The following TSPAN11 variants were observed in gnomAD, a reference collection of about 807,000 sequenced individuals.
TSPAN11 encodes tetraspanin 11.
Under a neutral mutation model 32.9 loss-of-function variants are expected in TSPAN11, and 29 were observed. That is an observed-to-expected ratio of 0.88 (90% CI 0.66 to 1.20). The LOEUF is 1.20. Ranked by LOEUF, TSPAN11 falls within the 50% of genes most tolerant of loss-of-function variation. The pLI is 0.00. For missense variants in TSPAN11, 283 were observed against 329.1 expected (o/e 0.86, Z 1.08); for synonymous variants, 140 against 141.3 (o/e 0.99, Z 0.07).
At chr12:30,946,000 T>C (rs1465904293) in intron 1 of TSPAN11, among the ~76,000 whole-genome samples, 2 of 152,198 alleles carry the variant, frequency 1.3e-5, no homozygotes, top group African/African-American at 4.8e-5. Flanking sequence ...TGAGTTTGCA[T>C]GAGAGGACAG....
chr12:30,983,259 C>T lies in TSPAN11; in HGVS notation c.702+109C>T, dbSNP rs551128397. On this transcript the variant is annotated intron_variant, in intron 7 of 7. Transcript: ENST00000546076. ...GCTGAAATAACTGACCCTTTGCACA[C>T]CCGCACCCTACCCTGCTCTCTTCTT... The T allele has an allele frequency of 7.6e-6, 8 of 1,048,170 alleles. No homozygotes were observed. In the South Asian group the frequency reaches 1.2e-4, roughly 16 times the overall value. 64.9% of individuals were successfully genotyped at this position (1,048,170 alleles called of 1,614,324 possible).
chr12:30,967,146 C>T (rs191062437), intron 3 of TSPAN11, among the ~76,000 whole-genome samples: 7 of 152,360 alleles, frequency 4.6e-5, no homozygotes, highest in Admixed American at 3.9e-4. Flanking sequence ...CTCTCCAAGC[C>T]ACTGATCACA....
chr12:31,009,952 G>C, the TSPAN11 span, among the ~76,000 whole-genome samples: 1 of 152,214 alleles, frequency 6.6e-6, no homozygotes, highest in Non-Finnish European at 1.5e-5. Context: ...AGCTGTATGA[G>C]ATAGGTAAGA....
intron 1 of TSPAN11, among the ~76,000 whole-genome samples, chr12:30,939,516 T>C (rs978602731): frequency 7.9e-5 from 12 of 152,254 alleles, no homozygotes; most frequent in Admixed American, 5.2e-4. Context: ...TGTAATGATC[T>C]ACCTTCAAAT....
At chr12:30,988,804 GTGACACAGCCGC>G (rs1228072970) in intron 7 of TSPAN11, among the ~76,000 whole-genome samples, 1 of 152,194 alleles carries the variant, frequency 6.6e-6, no homozygotes, top group Admixed American at 6.5e-5. Flanking sequence ...CCTGCTGAAG[GTGACACAGCCGC>G]TGTGGCAGAG....
intron 1 of TSPAN11, among the ~76,000 whole-genome samples, chr12:30,928,912 T>C (rs144579832): frequency 7.9e-4 from 121 of 152,360 alleles, no homozygotes; most frequent in African/African-American, 2.6e-3. Flanking sequence ...CGGGACTGCC[T>C]TTGTGCCGTT....
chr12:30,949,633 G>T (rs1938341714), intron 1 of TSPAN11, among the ~76,000 whole-genome samples: 1 of 152,170 alleles, frequency 6.6e-6, no homozygotes, highest in East Asian at 1.9e-4. Flanking sequence ...AATTCTGGGA[G>T]ATACAATTCA....
In TSPAN11 at chr12:30,995,433, G is replaced by A. The variant is rs1267225951; in HGVS notation, c.*3518G>A. On this transcript the variant is annotated 3_prime_UTR_variant, in exon 8 of 8. Transcript: ENST00000546076. ...GACCCTGTGTGATTTCTGTCAGGGA[G>A]CTTGTGCTGTGCATGGCCAGAGGTG... is the stretch of plus-strand genomic sequence containing the variant. 6 of 152,492 alleles carry A rather than the reference G, an allele frequency of 3.9e-5. No homozygotes were observed. The highest frequency in any genetic ancestry group is 2.0e-4 in the Admixed American group (3 of 15,292). The allele number at this position is 152,492 out of a possible 1,614,324, so 9.4% of individuals were successfully genotyped here. A position where few individuals can be genotyped will look rare whatever the true frequency, so the allele number is the denominator to read the frequency against.
At chr12:30,953,599 C>T (rs570921149) in intron 1 of TSPAN11, among the ~76,000 whole-genome samples, 1 of 152,172 alleles carries the variant, frequency 6.6e-6, no homozygotes, top group African/African-American at 2.4e-5. Context: ...TGCAAGTTTC[C>T]TATGCAAAGT....
chr12:31,004,580 T>A, the TSPAN11 span, among the ~76,000 whole-genome samples: 5,611 of 152,010 alleles, frequency 0.037, 333 homozygotes, highest in African/African-American at 0.13. Context: ...GCTGTCTGAG[T>A]AGCAAAACTT....
At chr12:31,008,606 C>T in the TSPAN11 span, among the ~76,000 whole-genome samples, 18 of 152,342 alleles carry the variant, frequency 1.2e-4, no homozygotes, top group South Asian at 3.5e-3. Context: ...CCCATCCACC[C>T]AGGACCAGCA....
chr12:31,009,588 AC>A, the TSPAN11 span, among the ~76,000 whole-genome samples: 1 of 151,966 alleles, frequency 6.6e-6, no homozygotes, highest in African/African-American at 2.4e-5. Context: ...CAGAAGTGCC[AC>A]CCCACCTTGG....
chr12:31,009,681 G>A, the TSPAN11 span, among the ~76,000 whole-genome samples: 1 of 152,086 alleles, frequency 6.6e-6, no homozygotes, highest in Non-Finnish European at 1.5e-5. Flanking sequence ...TCCGTCCACC[G>A]CCACACAGAG....
chr12:30,983,272 C>G, intron 7 of TSPAN11, 122 bp downstream of exon 7: 1 of 901,344 alleles, frequency 1.1e-6, no homozygotes, highest in Middle Eastern at 2.2e-4. Flanking sequence ...GCACCCTACC[C>G]TGCTCTCTTC....
At chr12:30,980,936 C>T (rs1353751688) in intron 5 of TSPAN11, among the ~76,000 whole-genome samples, 3 of 152,168 alleles carry the variant, frequency 2.0e-5, no homozygotes, top group Non-Finnish European at 4.4e-5. Context: ...TCCCTGCCCT[C>T]GGGGAAGCTG....
chr12:30,984,291 T>C (rs958088217), intron 7 of TSPAN11, among the ~76,000 whole-genome samples: 2 of 152,214 alleles, frequency 1.3e-5, no homozygotes, highest in Admixed American at 1.3e-4. Context: ...CTAGGTAACC[T>C]TGAGCTACCT....
chr12:30,973,672 G>A (rs990791032), intron 3 of TSPAN11, among the ~76,000 whole-genome samples: 2 of 152,152 alleles, frequency 1.3e-5, no homozygotes, highest in African/African-American at 2.4e-5. Flanking sequence ...TGGAGCGGGG[G>A]CCCTCTCTGG....
At chr12:30,951,501 T>C (rs1039381675) in intron 1 of TSPAN11, among the ~76,000 whole-genome samples, 2 of 152,242 alleles carry the variant, frequency 1.3e-5, no homozygotes, top group Admixed American at 6.5e-5. Flanking sequence ...TCTGGCTTTG[T>C]CATGTACTTG....
intron 3 of TSPAN11, among the ~76,000 whole-genome samples, chr12:30,971,821 A>G (rs959740221): frequency 2.1e-5 from 3 of 141,758 alleles, no homozygotes; most frequent in Non-Finnish European, 4.6e-5. Flanking sequence ...ATATTTCTGC[A>G]TATTTCCTGC....
Sources: gnomAD v4.1 joint callset for allele counts (sites outside exome capture counted in the v4.1 genomes callset) on GRCh38, gnomAD v4.1.1 for gene constraint, MANE v1.5 for transcripts, NCBI Gene and HGNC (gene_info 2026-07-23, HGNC 2026-07-21) for gene names.